Variants in LAMA2 observed in about 807,000 individuals in gnomAD.
The protein encoded by LAMA2 is laminin subunit alpha 2, also known as laminin subunit alpha-2.
Under a neutral mutation model 364.8 loss-of-function variants are expected in LAMA2, and 269 were observed. That is an observed-to-expected ratio of 0.74 (90% CI 0.67 to 0.82). The LOEUF is 0.82. Among genes scored for constraint, LAMA2 ranks in the 40% least tolerant of loss-of-function variants. The pLI is 0.00. For missense variants in LAMA2, 3,807 were observed against 3,873.2 expected, an observed-to-expected ratio of 0.98 and a Z score of 0.45; for synonymous variants, 1,379 against 1,370.6, an observed-to-expected ratio of 1.01 and a Z score of -0.14.
chr6:128,973,015 T>G (rs1366731812), intron 1 of LAMA2, among the ~76,000 whole-genome samples: 1 of 152,154 alleles, frequency 6.6e-6, no homozygotes, highest in African/African-American at 2.4e-5. Context: ...GTTGAAAATG[T>G]ACAGAAAAAT....
chr6:129,233,454 A>T (rs1025284365), intron 12 of LAMA2, among the ~76,000 whole-genome samples: 1 of 152,198 alleles, frequency 6.6e-6, no homozygotes, highest in Non-Finnish European at 1.5e-5. Context: ...TGTATTTCAT[A>T]TGTATATATG....
intron 1 of LAMA2, among the ~76,000 whole-genome samples, chr6:128,960,461 C>CT (rs1781411430): frequency 6.9e-6 from 1 of 144,602 alleles, no homozygotes; most frequent in African/African-American, 2.8e-5. Context: ...GCCTTGGCCC[C>CT]ACCCCGCCCC....
intron 34 of LAMA2, among the ~76,000 whole-genome samples, chr6:129,373,744 C>T (rs1045984542): frequency 6.6e-6 from 1 of 152,036 alleles, no homozygotes; most frequent in African/African-American, 2.4e-5. Context: ...TTGGGGTTTG[C>T]CTCATATCTT....
chr6:129,055,227 T>C lies in LAMA2; in HGVS notation c.284-4557T>C, dbSNP rs545856955. Among the ~76,000 whole-genome samples the C allele has an allele frequency of 5.4e-3, 776 of 144,468 alleles. 7 individuals carry two copies. The highest frequency in any genetic ancestry group is 0.021 in the African/African-American group (741 of 35,494). The allele number at this position is 144,468 out of a possible 152,430, so 94.8% of individuals were successfully genotyped here. A position where few individuals can be genotyped will look rare whatever the true frequency, so the allele number is the denominator to read the frequency against. ...TATTATTTGAGATGGAGTCTCACTCTGTCACCCGGGCTGGAGTGCAGTGGC... is the reference window on the plus strand; with the variant it reads ...TATTATTTGAGATGGAGTCTCACTCCGTCACCCGGGCTGGAGTGCAGTGGC... On this transcript the variant is annotated intron_variant, in intron 2 of 64. Coordinates refer to ENST00000421865, the MANE Select transcript of LAMA2 (RefSeq NM_000426.4).
At chr6:129,399,546 C>T (rs1480465210) in intron 37 of LAMA2, among the ~76,000 whole-genome samples, 1 of 152,098 alleles carries the variant, frequency 6.6e-6, no homozygotes. Flanking sequence ...AGCTGTGATC[C>T]CAAACCAGAA....
Position 129,440,986 on chromosome 6 carries a change from C to T in LAMA2, c.6256C>T (p.Pro2086Ser). 1 of 1,613,064 alleles carries T rather than the reference C, an allele frequency of 6.2e-7. No homozygotes were observed. The highest frequency in any genetic ancestry group is 8.5e-7 in the Non-Finnish European group (1 of 1,179,138). ...VAKTNAVVKDPSKNKIIADAD... is the reference protein window; with the variant it reads ...VAKTNAVVKDSSKNKIIADAD... ...CAAAACGAATGCTGTGGTTAAAGAT[C>T]CTTCCAAGAACAGTAAGATCTCCTT... The change falls in exon 43 of 65, where the codon CCT becomes TCT. Residue 2086 changes from proline to serine, a missense_variant. Transcript: ENST00000421865.
At chr6:129,033,823 A>G (rs769328904) in intron 1 of LAMA2, among the ~76,000 whole-genome samples, 4 of 151,884 alleles carry the variant, frequency 2.6e-5, no homozygotes, top group Admixed American at 6.6e-5. Context: ...TTTCTCTCCA[A>G]CTGCCACCCC....
intron 14 of LAMA2, among the ~76,000 whole-genome samples, chr6:129,258,793 T>G (rs1251405698): frequency 6.6e-6 from 1 of 152,086 alleles, no homozygotes; most frequent in Admixed American, 6.6e-5. Flanking sequence ...ACACTGCATT[T>G]TTCATTGACA....
intron 1 of LAMA2, among the ~76,000 whole-genome samples, chr6:128,920,254 T>C (rs1226861037): frequency 3.3e-5 from 5 of 151,572 alleles, no homozygotes; most frequent in African/African-American, 9.7e-5. Context: ...ACCTCCCGGG[T>C]TCAAGCGATT....
chr6:129,202,473 G>A (rs746760856), intron 12 of LAMA2, among the ~76,000 whole-genome samples: 19 of 152,096 alleles, frequency 1.2e-4, no homozygotes, highest in Non-Finnish European at 2.2e-4. Context: ...ACGTGAAGGG[G>A]CAGCAAGGAG....
At chr6:129,373,018 TG>T (rs1307223429) in intron 34 of LAMA2, among the ~76,000 whole-genome samples, 4 of 152,216 alleles carry the variant, frequency 2.6e-5, no homozygotes, top group African/African-American at 9.6e-5. Flanking sequence ...CAGAGTTTTT[TG>T]TATATTTTGG....
At chr6:129,327,949 T>G (rs1037557312) in intron 28 of LAMA2, among the ~76,000 whole-genome samples, 1 of 152,192 alleles carries the variant, frequency 6.6e-6, no homozygotes, top group Non-Finnish European at 1.5e-5. Context: ...GACATTGGAA[T>G]TATCTTTATT....
At chr6:129,467,620 CAG>C (rs1402126673) in intron 51 of LAMA2, among the ~76,000 whole-genome samples, 3 of 151,780 alleles carry the variant, frequency 2.0e-5, no homozygotes, top group Admixed American at 6.6e-5. Context: ...GTATAACAAA[CAG>C]GGATAAAATG....
intron 12 of LAMA2, among the ~76,000 whole-genome samples, chr6:129,232,542 T>C (rs1784728457): frequency 6.6e-6 from 1 of 152,136 alleles, no homozygotes; most frequent in South Asian, 2.1e-4. Context: ...ATGTTTTAAT[T>C]TTATTATTTC....
intron 4 of LAMA2, among the ~76,000 whole-genome samples, chr6:129,100,669 A>G (rs986293341): frequency 1.2e-4 from 19 of 152,204 alleles, no homozygotes; most frequent in African/African-American, 4.1e-4. Context: ...AAACTTAAAA[A>G]TGGTTCAGAG....
At chr6:129,313,971 C>T (rs1417373624) in intron 23 of LAMA2, among the ~76,000 whole-genome samples, 7 of 152,142 alleles carry the variant, frequency 4.6e-5, no homozygotes, top group Non-Finnish European at 1.0e-4. Flanking sequence ...GATATTTTAA[C>T]CTGCTGCCTA....
rs1272754127 is a variant in LAMA2, at chr6:129,128,956, C to T, written c.640-14945C>T. 4.0e-5 allele frequency among the ~76,000 whole-genome samples: 6 copies of T among 151,214 alleles called. 1 individual carries two copies. In the South Asian group the frequency reaches 1.0e-3, roughly 26 times the overall value. ...GTAAACTATCCTTGGCTGCCAGTTT[C>T]TTTCTTAAAAGTTTAATATTTCCCA... On this transcript the variant is annotated intron_variant, in intron 4 of 64. Transcript: ENST00000421865.
intron 3 of LAMA2, among the ~76,000 whole-genome samples, chr6:129,075,097 A>G (rs1773547704): frequency 6.6e-6 from 1 of 152,220 alleles, no homozygotes; most frequent in Admixed American, 6.5e-5. Context: ...TAAGATTATA[A>G]TAAGATTATA....
intron 41 of LAMA2, among the ~76,000 whole-genome samples, chr6:129,435,836 C>A (rs1407142146): frequency 6.6e-6 from 1 of 152,124 alleles, no homozygotes; most frequent in Non-Finnish European, 1.5e-5. Context: ...TTTCCCTTTG[C>A]TATTCTTCAC....
Sources: gnomAD v4.1 joint callset for allele counts (sites outside exome capture counted in the v4.1 genomes callset) on GRCh38, gnomAD v4.1.1 for gene constraint, MANE v1.5 for transcripts, NCBI Gene and HGNC (gene_info 2026-07-23, HGNC 2026-07-21) for gene names.